RPL29: variants seen among roughly 807,000 people sequenced by gnomAD.
RPL29 encodes the protein ribosomal protein L29.
RPL29 carries 4 observed loss-of-function variants against 7.2 expected under a neutral mutation model. The observed-to-expected ratio is 0.55, with a 90% CI of 0.27 to 1.26. The LOEUF is 1.26. Among genes scored for constraint, RPL29 ranks in the 50% most tolerant of loss-of-function variants. RPL29 has a pLI of 0.11. For synonymous variants in RPL29, 73 were observed against 72.8 expected, an observed-to-expected ratio of 1.00 and a Z score of -0.01; for missense variants, 148 against 209.1, an observed-to-expected ratio of 0.71 and a Z score of 1.80.
At chr3:51,995,331 C>T (rs1184148577) in intron 2 of RPL29, 94 bp downstream of exon 2, 1 of 1,378,270 alleles carries the variant, frequency 7.3e-7, no homozygotes, top group Non-Finnish European at 1.0e-6. Context: ...AGCCTCAGGC[C>T]CACAATGGAA....
intron 3 of RPL29, 45 bp from the exon 4 acceptor site, chr3:51,994,171 GTC>G: frequency 1.9e-6 from 3 of 1,547,658 alleles, no homozygotes; most frequent in Non-Finnish European, 2.6e-6. Context: ...GGGTCCCCAA[GTC>G]TCTCCCTGCT....
chr3:51,995,129 T>TC (rs1306486013), intron 2 of RPL29, 23 bp from the exon 3 acceptor site: 1 of 1,593,512 alleles, frequency 6.3e-7, no homozygotes. Flanking sequence ...AAAAGGGAAT[T>TC]AAGCCAACAA....
intron 3 of RPL29, 56 bp from the exon 4 acceptor site, chr3:51,994,182 C>A: frequency 6.5e-7 from 1 of 1,535,404 alleles, no homozygotes; most frequent in Non-Finnish European, 8.8e-7. Flanking sequence ...TCTCTCCCTG[C>A]TGCCCCTCTC....
chr3:51,994,085 C>G lies in RPL29; in HGVS notation c.144G>C (p.Lys48Asn). The G allele has an allele frequency of 6.2e-7, 1 of 1,603,142 alleles. No individual in the cohort carries two copies. Among genetic ancestry groups the G allele is most frequent in the Non-Finnish European group, 8.5e-7 (1 of 1,176,220 alleles). Residue 48 changes from lysine to asparagine, a missense_variant, in exon 4 of 4, where the codon AAG becomes AAC. Lys to Asn is a moderately conservative substitution (Grantham distance 94). Coordinates refer to ENST00000294189, the MANE Select transcript of RPL29 (RefSeq NM_000992.3). ...KFLRNMRFAK[K>N]HNKKGLKKMQ... ...TCTTCTTTAGGCCCTTTTTGTTGTG[C>G]TTCTTGGCAAAGCGCATGTTCCTCA... is the stretch of plus-strand genomic sequence containing the variant.
At chr3:51,995,380 G>C (rs773971440) in intron 2 of RPL29, 45 bp downstream of exon 2, 2 of 1,609,284 alleles carry the variant, frequency 1.2e-6, no homozygotes, top group African/African-American at 2.7e-5. Flanking sequence ...GCCTGAACCA[G>C]TCCTTGCCAG....
chr3:51,995,628 AC>A, intron 1 of RPL29, 159 bp from the exon 2 acceptor site: 1 of 669,270 alleles, frequency 1.5e-6, no homozygotes, highest in Non-Finnish European at 2.6e-6. Flanking sequence ...GGCCTCCCAA[AC>A]CCAGGTAATG....
Position 51,995,088 on chromosome 3 carries a change from T to C in RPL29, c.56A>G (p.Asn19Ser). The C allele has an allele frequency of 6.2e-7, 1 of 1,607,104 alleles. No homozygotes were observed. The highest frequency in any genetic ancestry group is 8.5e-7 in the Non-Finnish European group (1 of 1,176,050). ...THNQSRKWHRNGIKKPRSQRY... is the reference protein window; with the variant it reads ...THNQSRKWHRSGIKKPRSQRY... ...TTGTGATCGGGGTTTCTTGATACCA[T>C]TTCTGTGCCATTTTCGGGCTGTGGG... Residue 19 changes from asparagine (N) to serine (S), a missense_variant, in exon 3 of 4, where the codon AAT (asparagine) becomes AGT (serine). Coordinates refer to ENST00000294189, the MANE Select transcript of RPL29 (RefSeq NM_000992.3).
chr3:51,993,842 G>C lies in RPL29; in HGVS notation c.387C>G (p.Ala129=), dbSNP rs199938668. 4.2e-6 allele frequency: 6 copies of C among 1,440,530 alleles called. No individual in the cohort carries two copies. Among genetic ancestry groups the C allele is most frequent in the Non-Finnish European group, 4.5e-6 (5 of 1,107,182 alleles). The allele number at this position is 1,440,530 out of a possible 1,614,324, so 89.2% of individuals were successfully genotyped here. A position where few individuals can be genotyped will look rare whatever the true frequency, so the allele number is the denominator to read the frequency against. Residue 129 remains alanine (A), a synonymous_variant, in exon 4 of 4, where the codon GCC becomes GCG. Coordinates refer to ENST00000294189, the MANE Select transcript of RPL29 (RefSeq NM_000992.3). ...CRPKAKAKAK[A]KDQTKAQAAA... ...CAGCCTGGGCCTTGGTTTGATCCTTGGCCTTGGCCTTGGCCTTGGCCTTTG... is the reference window on the plus strand; with the variant it reads ...CAGCCTGGGCCTTGGTTTGATCCTTCGCCTTGGCCTTGGCCTTGGCCTTTG...
Position 51,994,041 on chromosome 3 carries a change from T to C in RPL29, c.188A>G (p.Lys63Arg). 1.9e-6 allele frequency: 3 copies of C among 1,600,380 alleles called. No homozygotes were observed. Among genetic ancestry groups the C allele is most frequent in the Non-Finnish European group, 2.5e-6 (3 of 1,179,230 alleles). The change falls in exon 4 of 4, where the codon AAG becomes AGG. Residue 63 changes from lysine (K) to arginine (R), a missense_variant. Coordinates refer to ENST00000294189, the MANE Select transcript of RPL29 (RefSeq NM_000992.3). ...AGCCTCGGCACGTGCACTCATGGCC[T>C]TGGCATTGTTGGCCTGCATCTTCTT... ...GLKKMQANNA[K>R]AMSARAEAIK...
At position 51,994,830 on chromosome 3, in the gene RPL29, C is replaced by T. The variant is rs758179192; in HGVS notation, c.102+212G>A. On this transcript the variant is annotated intron_variant, in intron 3 of 3. Transcript: ENST00000294189. Reference sequence around the variant, plus strand: ...CAAACTGCCCTCAGGAGGCAGGTTACACCCTGACCAGAGGGTTACACTTCA... The same window carrying T: ...CAAACTGCCCTCAGGAGGCAGGTTATACCCTGACCAGAGGGTTACACTTCA... 13 of 712,656 alleles carry T rather than the reference C, an allele frequency of 1.8e-5. No individual in the cohort carries two copies. The African/African-American group carries it at 2.3e-4, about 12-fold the overall frequency. 44.1% of individuals were successfully genotyped at this position (712,656 alleles called of 1,614,324 possible).
At chr3:51,994,770 T>C (rs1325367983) in intron 3 of RPL29, 21 of 699,066 alleles carry the variant, frequency 3.0e-5, no homozygotes, top group Non-Finnish European at 4.9e-5. Flanking sequence ...GGCCACTCCT[T>C]ACCCTAAGTG....
chr3:51,993,659 CAGG>C lies in RPL29; in HGVS notation c.*87_*89del. The C allele has an allele frequency of 1.5e-6, 2 of 1,291,646 alleles. No individual in the cohort carries two copies. Among genetic ancestry groups the C allele is most frequent in the Non-Finnish European group, 2.1e-6 (2 of 943,852 alleles). The allele number at this position is 1,291,646 out of a possible 1,614,324, so 80.0% of individuals were successfully genotyped here. On this transcript the variant is annotated 3_prime_UTR_variant, in exon 4 of 4. Transcript: ENST00000294189. ...CTCAGGTTTATTTGTACAAATAGCA[CAGG>C]AGGACCCCAGCCCCATGCAGATGGT...
rs549317459 is a variant in RPL29 at position 51,995,531 on chromosome 3, C to A, written c.-8-62G>T. The A allele has an allele frequency of 5.8e-5, 88 of 1,515,920 alleles. No homozygotes were observed. The South Asian group carries it at 6.9e-4, about 12-fold the overall frequency. The allele number at this position is 1,515,920 out of a possible 1,614,324, so 93.9% of individuals were successfully genotyped here. A position where few individuals can be genotyped will look rare whatever the true frequency, so the allele number is the denominator to read the frequency against. On this transcript the variant is annotated intron_variant, in intron 1 of 3. Transcript: ENST00000294189. The stretch of plus-strand genomic sequence containing the variant: ...GCCAGGCTGGGCCACCTCTGCCCCC[C>A]CCATTCTGGTCAGAATGAGCCTGCA...
chr3:51,994,506 C>G (rs1318148437), intron 3 of RPL29: 2 of 334,496 alleles, frequency 6.0e-6, no homozygotes, highest in Non-Finnish European at 1.1e-5. Flanking sequence ...GTCCAAAAGA[C>G]TTATAGCCAA....
chr3:51,994,564 G>A (rs879150350), intron 3 of RPL29: 17 of 381,616 alleles, frequency 4.5e-5, no homozygotes, highest in South Asian at 6.4e-5. Context: ...TTCACTCCAC[G>A]GAACAGAGAG....
intron 3 of RPL29, 146 bp downstream of exon 3, chr3:51,994,896 G>C: frequency 1.2e-6 from 1 of 800,184 alleles, no homozygotes; most frequent in Non-Finnish European, 2.3e-6. Context: ...GGGTCTGGTA[G>C]GGTAGAAAAA....
In RPL29 at chr3:51,993,843, G is replaced by A; in HGVS notation, c.386C>T (p.Ala129Val). The A allele has an allele frequency of 6.9e-7, 1 of 1,440,088 alleles. No homozygotes were observed. The highest frequency in any genetic ancestry group is 2.9e-5 in the African/African-American group (1 of 34,132). The allele number at this position is 1,440,088 out of a possible 1,614,324, so 89.2% of individuals were successfully genotyped here. A position where few individuals can be genotyped will look rare whatever the true frequency, so the allele number is the denominator to read the frequency against. Residue 129 changes from alanine (A) to valine (V), a missense_variant, in exon 4 of 4, where the codon GCC (alanine) becomes GTC (valine). Ala to Val is a moderately conservative substitution (Grantham distance 64). Coordinates refer to ENST00000294189, the MANE Select transcript of RPL29 (RefSeq NM_000992.3). ...CRPKAKAKAK[A>V]KDQTKAQAAA... is the part of the protein sequence containing the mutation. The stretch of plus-strand genomic sequence containing the variant: ...AGCCTGGGCCTTGGTTTGATCCTTG[G>A]CCTTGGCCTTGGCCTTGGCCTTTGG...
At chr3:51,994,505 A>T (rs1363777519) in intron 3 of RPL29, 1 of 331,734 alleles carries the variant, frequency 3.0e-6, no homozygotes, top group Admixed American at 4.5e-5. Context: ...GGTCCAAAAG[A>T]CTTATAGCCA....
chr3:51,994,506 C>T (rs1318148437), intron 3 of RPL29: 4 of 334,496 alleles, frequency 1.2e-5, no homozygotes, highest in Non-Finnish European at 2.2e-5. Context: ...GTCCAAAAGA[C>T]TTATAGCCAA....
Sources: gnomAD v4.1 joint callset for allele counts on GRCh38, gnomAD v4.1.1 for gene constraint, MANE v1.5 for transcripts, NCBI Gene and HGNC (gene_info 2026-07-23, HGNC 2026-07-21) for gene names.